The following ITGA9 variants were observed in gnomAD, a reference collection of about 807,000 sequenced individuals.
ITGA9 encodes integrin alpha-9.
In ITGA9, 56 loss-of-function variants were observed where a neutral mutation model predicts 127.8. That is an observed-to-expected ratio of 0.44 (90% CI 0.35 to 0.55). The LOEUF (loss-of-function observed/expected upper bound fraction) is 0.55. ITGA9 is among the 20% of genes least tolerant of loss of function. ITGA9 has a pLI of 0.00. For missense variants in ITGA9, 1,196 were observed against 1,347.1 expected (o/e 0.89, Z 1.76); for synonymous variants, 508 against 514.5 (o/e 0.99, Z 0.17).
chr3:37,712,957 AGC>A (rs1166794386), intron 18 of ITGA9, among the ~76,000 whole-genome samples: 1 of 152,190 alleles, frequency 6.6e-6, no homozygotes, highest in African/African-American at 2.4e-5. Context: ...GCAGGCAAGT[AGC>A]TTGGCCAGAG....
chr3:37,816,056 A>AGTGGAG (rs1697428290), intron 27 of ITGA9, among the ~76,000 whole-genome samples: 1 of 152,176 alleles, frequency 6.6e-6, no homozygotes, highest in Non-Finnish European at 1.5e-5. Flanking sequence ...CCTCTCATCC[A>AGTGGAG]ATTGTCAAAG....
chr3:37,772,628 T>C (rs181926308), intron 23 of ITGA9, among the ~76,000 whole-genome samples: 1 of 152,144 alleles, frequency 6.6e-6, no homozygotes, highest in Non-Finnish European at 1.5e-5. Flanking sequence ...ACTGAGTTCC[T>C]GAGTTTTAGC....
intron 22 of ITGA9, chr3:37,748,691 T>C: frequency 1.9e-6 from 1 of 531,540 alleles, no homozygotes; most frequent in Non-Finnish European, 3.3e-6. Context: ...GAAGTTGCAG[T>C]GAGCCGAGGT....
chr3:37,465,324 C>T (rs1239742947), intron 1 of ITGA9, among the ~76,000 whole-genome samples: 2 of 152,200 alleles, frequency 1.3e-5, no homozygotes, highest in Non-Finnish European at 2.9e-5. Context: ...CCTTCACAGA[C>T]AGCTTGACCA....
At chr3:37,571,420 G>A (rs1420277240) in intron 15 of ITGA9, among the ~76,000 whole-genome samples, 4 of 152,212 alleles carry the variant, frequency 2.6e-5, no homozygotes, top group Non-Finnish European at 5.9e-5. Context: ...CAAGAGGCCA[G>A]ACATTCTGTC....
intron 16 of ITGA9, among the ~76,000 whole-genome samples, chr3:37,637,558 A>G (rs1003421679): frequency 7.9e-5 from 12 of 152,214 alleles, no homozygotes; most frequent in Non-Finnish European, 1.8e-4. Context: ...TTTTCTACAT[A>G]TACAATCATG....
intron 15 of ITGA9, among the ~76,000 whole-genome samples, chr3:37,615,561 C>T (rs1459940371): frequency 6.6e-6 from 1 of 152,148 alleles, no homozygotes; most frequent in Non-Finnish European, 1.5e-5. Flanking sequence ...CTCCTTGTAC[C>T]TCTGGTAGAA....
chr3:37,620,680 A>G (rs1375877786), intron 15 of ITGA9, among the ~76,000 whole-genome samples: 1 of 152,102 alleles, frequency 6.6e-6, no homozygotes, highest in African/African-American at 2.4e-5. Context: ...TCTCTTCCTC[A>G]GATGTCTAGT....
intron 17 of ITGA9, among the ~76,000 whole-genome samples, chr3:37,676,975 T>G (rs1700688221): frequency 6.6e-6 from 1 of 152,228 alleles, no homozygotes; most frequent in African/African-American, 2.4e-5. Context: ...TTTAGGATCA[T>G]TCTTTCAGAT....
chr3:37,481,816 T>C (rs1698558753), intron 4 of ITGA9, among the ~76,000 whole-genome samples: 1 of 152,144 alleles, frequency 6.6e-6, no homozygotes, highest in Admixed American at 6.5e-5. Context: ...TCCCAGGCCT[T>C]TCCAACCCTC....
intron 20 of ITGA9, 42 bp downstream of exon 20, chr3:37,737,025 T>A: frequency 1.6e-6 from 2 of 1,254,834 alleles, no homozygotes; most frequent in South Asian, 1.2e-5. Flanking sequence ...GATGAGAGAT[T>A]TATGGGACCA....
chr3:37,460,689 A>T (rs1698307274), intron 1 of ITGA9, among the ~76,000 whole-genome samples: 1 of 146,622 alleles, frequency 6.8e-6, no homozygotes, highest in African/African-American at 2.5e-5. Context: ...TTCTGGGTTC[A>T]CGCCATTCTC....
Position 37,508,441 on chromosome 3 carries a change from G to A in ITGA9, c.829-118G>A, listed in dbSNP as rs933606226. On this transcript the variant is annotated intron_variant, in intron 7 of 27. Transcript: ENST00000264741. ...TCTTCATGATCATCAGCTAGCATAA[G>A]CACATCTGCTGTGCACCTGGCTCTT... 4 of 766,154 alleles carry A rather than the reference G, an allele frequency of 5.2e-6. No individual in the cohort carries two copies. In the African/African-American group the frequency reaches 5.3e-5, roughly 10 times the overall value. The allele number at this position is 766,154 out of a possible 1,614,324, so 47.5% of individuals were successfully genotyped here.
chr3:37,764,532 C>T (rs1052339380), intron 23 of ITGA9, among the ~76,000 whole-genome samples: 72 of 150,106 alleles, frequency 4.8e-4, no homozygotes, highest in African/African-American at 1.4e-3. Flanking sequence ...GTCCAAAACC[C>T]GGCGTTCCCT....
intron 16 of ITGA9, among the ~76,000 whole-genome samples, chr3:37,652,157 A>G (rs541297253): frequency 1.1e-4 from 17 of 152,126 alleles, no homozygotes; most frequent in African/African-American, 4.1e-4. Flanking sequence ...TATGAAGACA[A>G]AGTTTGTGCA....
At chr3:37,493,057 A>G (rs975356334) in intron 4 of ITGA9, among the ~76,000 whole-genome samples, 1 of 151,362 alleles carries the variant, frequency 6.6e-6, no homozygotes, top group Non-Finnish European at 1.5e-5. Flanking sequence ...AGTTGTCCTT[A>G]TAATAACCGG....
At chr3:37,736,419 A>C (rs2125530546) in intron 19 of ITGA9, among the ~76,000 whole-genome samples, 1 of 152,356 alleles carries the variant, frequency 6.6e-6, no homozygotes, top group East Asian at 1.9e-4. Flanking sequence ...AACAGAGTTC[A>C]GCATTGCTCT....
At chr3:37,737,196 T>A (rs1696373947) in intron 20 of ITGA9, among the ~76,000 whole-genome samples, 1 of 152,176 alleles carries the variant, frequency 6.6e-6, no homozygotes, top group African/African-American at 2.4e-5. Context: ...CAGATTGAAC[T>A]GAGAGGAACT....
intron 15 of ITGA9, among the ~76,000 whole-genome samples, chr3:37,606,040 G>C (rs578241929): frequency 1.4e-4 from 22 of 152,340 alleles, no homozygotes; most frequent in Non-Finnish European, 3.1e-4. Flanking sequence ...CTCAGCACCA[G>C]TCAGTGGTGC....
Sources: gnomAD v4.1 joint callset for allele counts (sites outside exome capture counted in the v4.1 genomes callset) on GRCh38, gnomAD v4.1.1 for gene constraint, MANE v1.5 for transcripts, NCBI Gene and HGNC (gene_info 2026-07-23, HGNC 2026-07-21) for gene names.